FBXO47: variants seen among roughly 807,000 people sequenced by gnomAD.
FBXO47 encodes the protein F-box only protein 47.
FBXO47 carries 34 observed loss-of-function variants against 53.9 expected under a neutral mutation model. The observed-to-expected ratio is 0.63, with a 90% CI of 0.48 to 0.84. The LOEUF (loss-of-function observed/expected upper bound fraction) is 0.84, where lower values mean the gene tolerates loss of function less well. Ranked by LOEUF, FBXO47 falls within the 40% of genes least tolerant of loss-of-function variation. The pLI, the probability that FBXO47 is intolerant of heterozygous loss-of-function variation, is 0.00. For synonymous variants in FBXO47, 165 were observed against 181.6 expected (o/e 0.91, Z 0.73); for missense variants, 485 against 541.3 (o/e 0.90, Z 1.03).
intron 3 of FBXO47, among the ~76,000 whole-genome samples, chr17:38,959,516 G>T (rs1460929436): frequency 6.8e-6 from 1 of 146,144 alleles, no homozygotes; most frequent in African/African-American, 2.6e-5. Flanking sequence ...GGAGGCAGAG[G>T]TTGCAGTGAG....
intron 1 of FBXO47, among the ~76,000 whole-genome samples, chr17:38,966,484 A>G (rs1906137768): frequency 6.6e-6 from 1 of 152,168 alleles, no homozygotes; most frequent in African/African-American, 2.4e-5. Context: ...TACAGGCGTG[A>G]GCCACCGCAC....
chr17:38,945,948 A>AT (rs1555560608), intron 6 of FBXO47, among the ~76,000 whole-genome samples: 12,768 of 116,342 alleles, frequency 0.11, 983 homozygotes, highest in East Asian at 0.24. Context: ...AAAAAAAAAA[A>AT]ATATATATAT....
chr17:38,940,200 C>T (rs965050384), intron 9 of FBXO47, among the ~76,000 whole-genome samples: 3 of 151,790 alleles, frequency 2.0e-5, no homozygotes, highest in Admixed American at 2.0e-4. Context: ...ATGACCTACT[C>T]CACACATACA....
Position 38,958,319 on chromosome 17 carries a change from A to G in FBXO47, c.353-1066T>C, listed in dbSNP as rs1002287124. On this transcript the variant is annotated intron_variant, in intron 3 of 10. Coordinates refer to ENST00000378079, the MANE Select transcript of FBXO47 (RefSeq NM_001008777.3). ...CTCTCCAAATACAAAAATTTAAGTC[A>G]TAAGTACTTAAAATTTCAGAAGCTA... Among the ~76,000 whole-genome samples, 9 of 152,090 alleles carry G rather than the reference A, an allele frequency of 5.9e-5. No individual in the cohort carries two copies. In the South Asian group the frequency reaches 1.9e-3, roughly 31 times the overall value.
chr17:38,947,059 T>C (rs577029232), intron 6 of FBXO47, among the ~76,000 whole-genome samples: 1,856 of 137,392 alleles, frequency 0.014, 67 homozygotes, highest in African/African-American at 0.047. Context: ...AAAACATATA[T>C]AAATATATAT....
At chr17:38,945,957 A>T (rs1200157759) in intron 6 of FBXO47, among the ~76,000 whole-genome samples, 1 of 136,490 alleles carries the variant, frequency 7.3e-6, no homozygotes, top group Admixed American at 8.3e-5. Context: ...AAATATATAT[A>T]TATATATAAA....
Position 38,951,688 on chromosome 17 carries a change from G to C in FBXO47, c.509C>G (p.Thr170Ser). 6.2e-7 allele frequency: 1 copy of C among 1,605,692 alleles called. No homozygotes were observed. Among genetic ancestry groups the C allele is most frequent in the Non-Finnish European group, 8.5e-7 (1 of 1,173,788 alleles). The change falls in exon 6 of 11, where the codon ACC becomes AGC. Residue 170 changes from threonine to serine, a missense_variant and splice_region_variant. Thr to Ser is a moderately conservative substitution (Grantham distance 58, BLOSUM62 1). Coordinates refer to ENST00000378079, the MANE Select transcript of FBXO47 (RefSeq NM_001008777.3). ...GLTCYGMFLQTLTAGWDELEC... is the reference protein window; with the variant it reads ...GLTCYGMFLQSLTAGWDELEC... Reference sequence around the variant, plus strand: ...AAGTTCATCCCAACCTGCTGTTAAGGTCTGAGGAAAATAAAGAAAACATTG... The same window carrying C: ...AAGTTCATCCCAACCTGCTGTTAAGCTCTGAGGAAAATAAAGAAAACATTG...
chr17:38,948,553 T>C (rs917061448), intron 6 of FBXO47, among the ~76,000 whole-genome samples: 1 of 152,060 alleles, frequency 6.6e-6, no homozygotes, highest in African/African-American at 2.4e-5. Flanking sequence ...TCATATAGTA[T>C]GTGGCATTTT....
rs1228038533 is a variant in FBXO47 at position 38,946,173 on chromosome 17, A to C, written c.617-1037T>G. Reference sequence around the variant, plus strand: ...ATACATAAAAATATATAAATATATAAAAATATATATAAATATATAAAAATA... The same window carrying C: ...ATACATAAAAATATATAAATATATACAAATATATATAAATATATAAAAATA... On this transcript the variant is annotated intron_variant, in intron 6 of 10. Coordinates refer to ENST00000378079, the MANE Select transcript of FBXO47 (RefSeq NM_001008777.3). Among the ~76,000 whole-genome samples, 8 of 117,596 alleles carry C rather than the reference A, an allele frequency of 6.8e-5. No homozygotes were observed. The East Asian group carries it at 2.0e-3, about 29-fold the overall frequency. 77.1% of individuals were successfully genotyped at this position (117,596 alleles called of 152,430 possible). A position where few individuals can be genotyped will look rare whatever the true frequency, so the allele number is the denominator to read the frequency against.
chr17:38,957,865 C>T (rs914450223), intron 3 of FBXO47, among the ~76,000 whole-genome samples: 10 of 151,778 alleles, frequency 6.6e-5, no homozygotes, highest in African/African-American at 2.4e-4. Context: ...TACAGAGTCT[C>T]GTTCTGTTGC....
At chr17:38,953,368 T>G (rs1349066895) in intron 5 of FBXO47, among the ~76,000 whole-genome samples, 3 of 151,372 alleles carry the variant, frequency 2.0e-5, no homozygotes, top group Non-Finnish European at 4.4e-5. Context: ...CTAATGTCTG[T>G]AATCCCAGCA....
At chr17:38,959,451 A>G (rs915454598) in intron 3 of FBXO47, among the ~76,000 whole-genome samples, 1 of 151,682 alleles carries the variant, frequency 6.6e-6, no homozygotes, top group South Asian at 2.1e-4. Context: ...ATGGTGGTGC[A>G]TGCCTGTAAT....
chr17:38,965,021 T>C (rs1906031865), intron 1 of FBXO47, among the ~76,000 whole-genome samples: 1 of 152,116 alleles, frequency 6.6e-6, no homozygotes, highest in Non-Finnish European at 1.5e-5. Context: ...AGCTAATTTC[T>C]GTATTTTTAG....
At position 38,937,222 on chromosome 17, in the gene FBXO47, G is replaced by A; in HGVS notation, c.1312C>T (p.His438Tyr). 2 of 1,609,002 alleles carry A rather than the reference G, an allele frequency of 1.2e-6. No homozygotes were observed. The highest frequency in any genetic ancestry group is 8.5e-7 in the Non-Finnish European group (1 of 1,176,394). ...ATGGTCAAATACAGGACCTCCTTAT[G>A]GAAGTTAGCCTGAGCATGTACAAGA... ...FHLVHAQANF[H>Y]KEVLYLTMNT... is the part of the protein sequence containing the mutation. The change falls in exon 11 of 11, where the codon CAT becomes TAT. Residue 438 changes from histidine to tyrosine, a missense_variant. His to Tyr is a moderately conservative substitution (Grantham distance 83, BLOSUM62 2). Transcript: ENST00000378079.
chr17:38,960,253 C>T (rs527432824), intron 3 of FBXO47, among the ~76,000 whole-genome samples: 3 of 150,932 alleles, frequency 2.0e-5, no homozygotes, highest in Admixed American at 6.6e-5. Context: ...GGCAACACTG[C>T]AAGATCCCAT....
intron 4 of FBXO47, among the ~76,000 whole-genome samples, chr17:38,955,745 G>A (rs1227184322): frequency 6.6e-6 from 1 of 151,702 alleles, no homozygotes; most frequent in East Asian, 1.9e-4. Flanking sequence ...GGATCACGAG[G>A]TCAGGAGTTC....
chr17:38,944,140 C>T (rs1307223202), intron 7 of FBXO47, among the ~76,000 whole-genome samples: 2 of 151,236 alleles, frequency 1.3e-5, no homozygotes, highest in Admixed American at 6.6e-5. Context: ...GGAGATTGGG[C>T]CACTGAACTC....
chr17:38,942,664 C>T lies in FBXO47; in HGVS notation c.1083+114G>A, dbSNP rs1278347162. On this transcript the variant is annotated intron_variant, in intron 9 of 10. Coordinates refer to ENST00000378079, the MANE Select transcript of FBXO47 (RefSeq NM_001008777.3). ...AAAGAAACATTAAAAATATATACTTCAATACTCATTTTTACAAAATCTTTT... is the reference window on the plus strand; with the variant it reads ...AAAGAAACATTAAAAATATATACTTTAATACTCATTTTTACAAAATCTTTT... 8 of 665,806 alleles carry T rather than the reference C, an allele frequency of 1.2e-5. No homozygotes were observed. In the East Asian group the frequency reaches 2.0e-4, roughly 16 times the overall value. The allele number at this position is 665,806 out of a possible 1,614,324, so 41.2% of individuals were successfully genotyped here.
chr17:38,948,849 C>G (rs1022983638), intron 6 of FBXO47, among the ~76,000 whole-genome samples: 1 of 152,018 alleles, frequency 6.6e-6, no homozygotes, highest in African/African-American at 2.4e-5. Context: ...TGGTTTGCTG[C>G]ATCTATCAAC....
Sources: allele counts gnomAD v4.1 joint callset (sites outside exome capture counted in the v4.1 genomes callset), GRCh38; gene constraint gnomAD v4.1.1; transcripts MANE v1.5; gene names NCBI Gene and HGNC (gene_info 2026-07-23, HGNC 2026-07-21).